The following CCDC146 variants were observed in gnomAD, a reference collection of about 807,000 sequenced individuals.
CCDC146 encodes coiled-coil domain containing 146.
A neutral mutation model predicts 119.3 loss-of-function variants in CCDC146; 92 were observed. The observed-to-expected ratio is 0.77, with a 90% CI of 0.65 to 0.92. The LOEUF (loss-of-function observed/expected upper bound fraction) is 0.92, where lower values mean the gene tolerates loss of function less well. Ranked by LOEUF, CCDC146 falls within the 40% of genes least tolerant of loss-of-function variation. The pLI, the probability that CCDC146 is intolerant of heterozygous loss-of-function variation, is 0.00. For missense variants in CCDC146, 1,000 were observed against 1,103.0 expected (o/e 0.91, Z 1.32); for synonymous variants, 372 against 371.8 (o/e 1.00, Z -0.01).
intron 2 of CCDC146, among the ~76,000 whole-genome samples, chr7:77,226,097 G>A (rs535758952): frequency 6.6e-6 from 1 of 152,340 alleles, no homozygotes; most frequent in Non-Finnish European, 1.5e-5. Flanking sequence ...AGTTAGGTGT[G>A]TGAGAAAGCT....
At chr7:77,187,271 T>C (rs917347255) in intron 2 of CCDC146, among the ~76,000 whole-genome samples, 5 of 152,222 alleles carry the variant, frequency 3.3e-5, no homozygotes, top group Admixed American at 6.5e-5. Flanking sequence ...TACTTCCTTA[T>C]GCTGGAACAT....
At chr7:77,169,756 A>C (rs1584038748) in intron 2 of CCDC146, among the ~76,000 whole-genome samples, 1 of 152,134 alleles carries the variant, frequency 6.6e-6, no homozygotes. Flanking sequence ...TTCTGGCACA[A>C]GAAAGTGTTC....
rs1793783202 is a variant in CCDC146, at chr7:77,282,550, A to C, written c.1920-7A>C. 1.3e-6 allele frequency: 2 copies of C among 1,587,454 alleles called. No homozygotes were observed. The highest frequency in any genetic ancestry group is 1.7e-6 in the Non-Finnish European group (2 of 1,165,266). ...CACTTAGCCTCTGCCTCTGAATTTG[A>C]CCATAGTGGCGTTCAGCTGATAGAG... On this transcript the variant is annotated splice_region_variant and splice_polypyrimidine_tract_variant and intron_variant, in intron 14 of 18. Coordinates refer to ENST00000285871, the MANE Select transcript of CCDC146 (RefSeq NM_020879.3).
chr7:77,203,031 GCC>G (rs35529684), intron 2 of CCDC146, among the ~76,000 whole-genome samples: 31,978 of 106,874 alleles, frequency 0.3, 5,258 homozygotes, highest in East Asian at 0.59. Flanking sequence ...TAAAATACTT[GCC>G]CCCCCCCCCC....
intron 1 of CCDC146, among the ~76,000 whole-genome samples, chr7:77,137,698 A>G (rs940734556): frequency 6.5e-4 from 99 of 151,976 alleles, no homozygotes; most frequent in African/African-American, 2.1e-3. Context: ...ATTCAATGCA[A>G]TCCCAATCAA....
chr7:77,153,632 CAT>C (rs945027318), intron 1 of CCDC146, among the ~76,000 whole-genome samples: 2 of 148,660 alleles, frequency 1.3e-5, no homozygotes, highest in African/African-American at 5.0e-5. Context: ...ATTAAATACA[CAT>C]ATACATTTAC....
rs752333858 is a variant in CCDC146 at position 77,294,690 on chromosome 7, C to G, written c.2692C>G (p.Leu898Val). 2 of 1,614,180 alleles carry G rather than the reference C, an allele frequency of 1.2e-6. No individual in the cohort carries two copies. Among genetic ancestry groups the G allele is most frequent in the South Asian group, 2.2e-5 (2 of 91,084 alleles). The change falls in exon 19 of 19, where the codon CTG (leucine) becomes GTG (valine). Residue 898 changes from leucine (L) to valine (V), a missense_variant. Physicochemically the swap from Leu to Val is conservative, Grantham distance 32. Around this residue, in one of 2 missense-constraint regions of CCDC146, gnomAD observed 985 missense variants for 1,045.3 expected, o/e 0.94. Coordinates refer to ENST00000285871, the MANE Select transcript of CCDC146 (RefSeq NM_020879.3). ...QEFLEADNRQ[L>V]PNGVYTTAEQ... Reference sequence around the variant, plus strand: ...GTTCTTGGAAGCAGATAATCGCCAGCTGCCCAATGGTGTTTACACAACTGC... The same window carrying G: ...GTTCTTGGAAGCAGATAATCGCCAGGTGCCCAATGGTGTTTACACAACTGC...
intron 2 of CCDC146, among the ~76,000 whole-genome samples, chr7:77,190,825 T>C (rs1276260468): frequency 2.6e-5 from 4 of 152,208 alleles, no homozygotes; most frequent in African/African-American, 9.6e-5. Flanking sequence ...AGGATTGAAA[T>C]TGAAGGTGAT....
chr7:77,130,268 A>G (rs1790761395), intron 1 of CCDC146, among the ~76,000 whole-genome samples: 3 of 152,074 alleles, frequency 2.0e-5, no homozygotes, highest in Admixed American at 2.0e-4. Flanking sequence ...AGTTTGAGGC[A>G]TCCACTGGAG....
At chr7:77,137,452 C>T (rs1045211101) in intron 1 of CCDC146, among the ~76,000 whole-genome samples, 3 of 144,516 alleles carry the variant, frequency 2.1e-5, no homozygotes, top group African/African-American at 7.7e-5. Context: ...CACTTTCCTA[C>T]GCAGCAGCAA....
intron 9 of CCDC146, among the ~76,000 whole-genome samples, 172 bp downstream of exon 9, chr7:77,262,479 T>C (rs1184379012): frequency 6.6e-6 from 1 of 152,220 alleles, no homozygotes; most frequent in Non-Finnish European, 1.5e-5. Context: ...TCCTATAATG[T>C]TTCGTAATCT....
chr7:77,294,790 C>T lies in CCDC146; in HGVS notation c.2792C>T (p.Ala931Val). ...TTGCCAAAACCTTATGGTGCTTTGG[C>T]TCCTTTTAAACCCAGTGAACCTGGA... ...LPLPKPYGAL[A>V]PFKPSEPGAN... Residue 931 changes from alanine (A) to valine (V), a missense_variant, in exon 19 of 19, where the codon GCT (alanine) becomes GTT (valine). This residue lies in a region of CCDC146 where 985 missense variants were observed against 1,045.3 expected (regional missense o/e 0.94). Coordinates refer to ENST00000285871, the MANE Select transcript of CCDC146 (RefSeq NM_020879.3). The T allele has an allele frequency of 6.2e-7, 1 of 1,614,130 alleles. No homozygotes were observed. The highest frequency in any genetic ancestry group is 8.5e-7 in the Non-Finnish European group (1 of 1,180,024).
At chr7:77,225,523 C>T (rs1281666351) in intron 2 of CCDC146, among the ~76,000 whole-genome samples, 1 of 151,512 alleles carries the variant, frequency 6.6e-6, no homozygotes, top group African/African-American at 2.4e-5. Context: ...CACTGTACCC[C>T]AGCCTGGGCA....
chr7:77,271,930 A>T (rs1407334207), intron 9 of CCDC146, among the ~76,000 whole-genome samples: 4 of 152,104 alleles, frequency 2.6e-5, no homozygotes, highest in South Asian at 4.1e-4. Context: ...TCGAAACCTC[A>T]TAAGGGTTCC....
chr7:77,209,417 C>A (rs879875533), intron 2 of CCDC146, among the ~76,000 whole-genome samples: 1 of 152,248 alleles, frequency 6.6e-6, no homozygotes. Flanking sequence ...AGGCCTTGGG[C>A]AGCTCCACCC....
At chr7:77,131,788 C>T (rs1177083419) in intron 1 of CCDC146, among the ~76,000 whole-genome samples, 25 of 152,084 alleles carry the variant, frequency 1.6e-4, no homozygotes, top group Non-Finnish European at 3.7e-4. Context: ...AAGCTATACT[C>T]GAAAGATTAC....
intron 2 of CCDC146, among the ~76,000 whole-genome samples, chr7:77,186,188 A>G (rs1791663830): frequency 6.6e-6 from 1 of 152,072 alleles, no homozygotes; most frequent in Non-Finnish European, 1.5e-5. Context: ...ATACATCTGC[A>G]CTCCCATGTT....
chr7:77,181,534 T>A (rs190243530), intron 2 of CCDC146, among the ~76,000 whole-genome samples: 5 of 152,318 alleles, frequency 3.3e-5, no homozygotes, highest in African/African-American at 4.8e-5. Flanking sequence ...AAGCTAGAAA[T>A]GTAGAGCCTT....
chr7:77,212,573 A>G lies in CCDC146; in HGVS notation c.157-24374A>G, dbSNP rs566431914. Among the ~76,000 whole-genome samples, 33 of 148,584 alleles carry G rather than the reference A, an allele frequency of 2.2e-4. No individual in the cohort carries two copies. In the South Asian group the frequency reaches 7.0e-3, roughly 32 times the overall value. On this transcript the variant is annotated intron_variant, in intron 2 of 18. Coordinates refer to ENST00000285871, the MANE Select transcript of CCDC146 (RefSeq NM_020879.3). The stretch of plus-strand genomic sequence containing the variant: ...GAGGCGGAGCATGCAGTGAGCCGAG[A>G]TCACGCCACTGCACTCCAGCCTGGG...
Sources: gnomAD v4.1 joint callset for allele counts (sites outside exome capture counted in the v4.1 genomes callset) on GRCh38, gnomAD v4.1.1 for gene constraint, gnomAD v4.1.1 regional missense constraint, MANE v1.5 for transcripts, NCBI Gene and HGNC (gene_info 2026-07-23, HGNC 2026-07-21) for gene names.